Variants in ZFHX3 observed in about 807,000 individuals in gnomAD.
The protein encoded by ZFHX3 is zinc finger homeobox 3, also known as zinc finger homeobox protein 3.
In ZFHX3, 42 loss-of-function variants were observed where a neutral mutation model predicts 279.1. That is an observed-to-expected ratio of 0.15 (90% CI 0.12 to 0.19). The LOEUF (loss-of-function observed/expected upper bound fraction) is 0.19. ZFHX3 is among the 10% of genes least tolerant of loss of function. The pLI, the probability that ZFHX3 is intolerant of heterozygous loss-of-function variation, is 1.00. For missense variants in ZFHX3, 4,981 were observed against 4,754.0 expected (o/e 1.05, Z -1.40); for synonymous variants, 2,293 against 1,957.8 (o/e 1.17, Z -4.52).
intron 1 of ZFHX3, among the ~76,000 whole-genome samples, chr16:73,838,214 T>C (rs965910196): frequency 5.9e-5 from 9 of 152,246 alleles, no homozygotes; most frequent in Non-Finnish European, 1.2e-4. Context: ...TGTTAGGACT[T>C]ACATGTTGCT....
chr16:73,300,264 T>TAA (rs36110201), intron 4 of ZFHX3, among the ~76,000 whole-genome samples: 11,595 of 123,730 alleles, frequency 0.094, 641 homozygotes, highest in East Asian at 0.21. Context: ...CTCTGTCTCT[T>TAA]AAAAAAAAAA....
intron 1 of ZFHX3, among the ~76,000 whole-genome samples, chr16:73,697,576 G>C (rs2053209281): frequency 6.6e-6 from 1 of 152,144 alleles, no homozygotes; most frequent in South Asian, 2.1e-4. Flanking sequence ...TGCAAATACA[G>C]TGAGGAAGTT....
rs140636531 is a variant in ZFHX3 at position 72,788,247 on chromosome 16, G to A, written c.10029C>T (p.Pro3343=). 2.5e-6 allele frequency: 4 copies of A among 1,614,198 alleles called. No individual in the cohort carries two copies. In the African/African-American group the frequency reaches 4.0e-5, roughly 16 times the overall value. The change falls in exon 10 of 10, where the codon CCC becomes CCT. Residue 3343 remains proline (P), a synonymous_variant. Coordinates refer to ENST00000268489, the MANE Select transcript of ZFHX3 (RefSeq NM_006885.4). The stretch of plus-strand genomic sequence containing the variant: ...GGGCCTGCGACAGTGCAGGGCTGTA[G>A]GGGAACAGGCCTTCCATGCCATACA... ...QPMYGMEGLF[P]YSPALSQALM...
rs201070187 is a variant in ZFHX3, at chr16:73,337,894, G to GA, written c.-1290-19559_-1290-19558insT. ...AATAAGTCTTCATCTTCCCTTGGCG[G>GA]GGGGGGGGGTCCTCATCCCCTTTTT... On this transcript the variant is annotated intron_variant, in intron 3 of 17. Coordinates refer to the ZFHX3 transcript ENST00000641206. Among the ~76,000 whole-genome samples, 3 of 143,344 alleles carry GA rather than the reference G, an allele frequency of 2.1e-5. 1 individual carries two copies. The highest frequency in any genetic ancestry group is 5.2e-5 in the African/African-American group (2 of 38,116). The allele number at this position is 143,344 out of a possible 152,430, so 94.0% of individuals were successfully genotyped here.
chr16:73,531,486 G>A (rs1054631197), intron 2 of ZFHX3, among the ~76,000 whole-genome samples: 1 of 151,832 alleles, frequency 6.6e-6, no homozygotes, highest in African/African-American at 2.4e-5. Flanking sequence ...AGGATGAGGT[G>A]GGGGGACTGC....
intron 3 of ZFHX3, among the ~76,000 whole-genome samples, chr16:73,380,799 G>C (rs1332094782): frequency 6.6e-6 from 1 of 152,198 alleles, no homozygotes; most frequent in African/African-American, 2.4e-5. Context: ...GAGCCCAGGA[G>C]TTTGAGACCA....
At chr16:73,052,864 C>G (rs897675206), upstream of ZFHX3, among the ~76,000 whole-genome samples, 1 of 152,198 alleles carries the variant, frequency 6.6e-6, no homozygotes, top group Non-Finnish European at 1.5e-5. Flanking sequence ...TCCTTCCCTG[C>G]TGCCTTTGGT....
At chr16:73,350,310 C>A (rs1758029582) in intron 3 of ZFHX3, among the ~76,000 whole-genome samples, 1 of 152,156 alleles carries the variant, frequency 6.6e-6, no homozygotes, top group South Asian at 2.1e-4. Context: ...CTCCTTCTTG[C>A]AGTCTAATTG....
At chr16:72,893,518 A>C (rs771898112) in intron 3 of ZFHX3, among the ~76,000 whole-genome samples, 3 of 152,104 alleles carry the variant, frequency 2.0e-5, no homozygotes, top group South Asian at 2.1e-4. Context: ...GATTGAAATA[A>C]ACATCATACC....
intron 4 of ZFHX3, among the ~76,000 whole-genome samples, chr16:72,839,314 T>G (rs1380812749): frequency 6.6e-6 from 1 of 152,144 alleles, no homozygotes; most frequent in Non-Finnish European, 1.5e-5. Context: ...TTCCTTTCTT[T>G]GGACAAAAAC....
chr16:72,958,057 G>A lies in ZFHX3; in HGVS notation c.2089C>T (p.Pro697Ser). 1 of 1,613,806 alleles carries A rather than the reference G, an allele frequency of 6.2e-7. No homozygotes were observed. The highest frequency in any genetic ancestry group is 8.5e-7 in the Non-Finnish European group (1 of 1,180,034). Residue 697 changes from proline (P) to serine (S), a missense_variant, in exon 2 of 10, where the codon CCG (proline) becomes TCG (serine). Physicochemically the swap from Pro to Ser is moderately conservative, Grantham distance 74. Coordinates refer to ENST00000268489, the MANE Select transcript of ZFHX3 (RefSeq NM_006885.4). ...EAHMKEKHPE[P>S]GGSCVYCKSG... Reference sequence around the variant, plus strand: ...TTGCAGTAGACACAGGAGCCCCCCGGCTCCGGGTGCTTCTCCTTCATGTGT... The same window carrying A: ...TTGCAGTAGACACAGGAGCCCCCCGACTCCGGGTGCTTCTCCTTCATGTGT...
chr16:73,535,203 G>A (rs555323986), intron 2 of ZFHX3, among the ~76,000 whole-genome samples: 1 of 152,256 alleles, frequency 6.6e-6, no homozygotes, highest in South Asian at 2.1e-4. Context: ...CACCAGAAAT[G>A]CAATAGGCAT....
chr16:73,669,979 A>T (rs576898090), intron 2 of ZFHX3, among the ~76,000 whole-genome samples: 2 of 152,358 alleles, frequency 1.3e-5, no homozygotes, highest in South Asian at 2.1e-4. Flanking sequence ...CAACAGCTTA[A>T]TAAGTTTTAT....
intron 2 of ZFHX3, among the ~76,000 whole-genome samples, chr16:73,660,290 A>C (rs1360490022): frequency 6.6e-6 from 1 of 152,220 alleles, no homozygotes; most frequent in African/African-American, 2.4e-5. Flanking sequence ...ACGCTTCTCT[A>C]CTTTTAAAGT....
In ZFHX3 at chr16:73,345,603, G is replaced by T. The variant is rs2016109572; in HGVS notation, c.-1290-27267C>A. Among the ~76,000 whole-genome samples, 7 of 152,196 alleles carry T rather than the reference G, an allele frequency of 4.6e-5. 1 individual carries two copies. In the South Asian group the frequency reaches 1.5e-3, roughly 32 times the overall value. ...TTTTATGGCTGCATCATATTCCATGGTGTATATGTACCACATTTTCTTTAT... is the reference window on the plus strand; with the variant it reads ...TTTTATGGCTGCATCATATTCCATGTTGTATATGTACCACATTTTCTTTAT... On this transcript the variant is annotated intron_variant, in intron 3 of 17. Coordinates refer to the ZFHX3 transcript ENST00000641206.
intron 2 of ZFHX3, among the ~76,000 whole-genome samples, chr16:73,530,740 T>G: frequency 6.6e-6 from 1 of 152,242 alleles, no homozygotes. Flanking sequence ...TCCATGCACT[T>G]TTCACACTGC....
chr16:73,837,413 T>C (rs115006150), intron 1 of ZFHX3, among the ~76,000 whole-genome samples: 27 of 152,174 alleles, frequency 1.8e-4, no homozygotes, highest in African/African-American at 6.5e-4. Context: ...TCTGCTTAGG[T>C]AAAACCTTGG....
At chr16:72,914,891 T>A (rs35760208) in intron 3 of ZFHX3, among the ~76,000 whole-genome samples, 1 of 152,064 alleles carries the variant, frequency 6.6e-6, no homozygotes, top group Non-Finnish European at 1.5e-5. Flanking sequence ...CTCGGGTGGC[T>A]GAGGCAGGAG....
At chr16:73,176,779 T>C (rs1042294010) in intron 5 of ZFHX3, among the ~76,000 whole-genome samples, 6 of 152,074 alleles carry the variant, frequency 3.9e-5, no homozygotes, top group Non-Finnish European at 8.8e-5. Flanking sequence ...TTCTTCTTGA[T>C]GTGCTGGTCC....
Sources: gnomAD v4.1 joint callset for allele counts (sites outside exome capture counted in the v4.1 genomes callset) on GRCh38, gnomAD v4.1.1 for gene constraint, MANE v1.5 for transcripts, NCBI Gene and HGNC (gene_info 2026-07-23, HGNC 2026-07-21) for gene names.